The following GALNT10 variants were observed in gnomAD, a reference collection of about 807,000 sequenced individuals.
GALNT10 encodes the protein GalNAc transferase 10.
Under a neutral mutation model 75.0 loss-of-function variants are expected in GALNT10, and 41 were observed. That is an observed-to-expected ratio of 0.55 (90% CI 0.43 to 0.71). The LOEUF (loss-of-function observed/expected upper bound fraction) is 0.71. Ranked by LOEUF, GALNT10 falls within the 30% of genes least tolerant of loss-of-function variation. The probability of loss-of-function intolerance (pLI) is 0.00; values close to 1 mark genes in which losing one functional copy is unlikely to be tolerated. For synonymous variants in GALNT10, 302 were observed against 313.0 expected (o/e 0.96, Z 0.37); for missense variants, 727 against 818.5 (o/e 0.89, Z 1.36).
At chr5:154,415,402 G>A (rs7723850) in intron 10 of GALNT10, among the ~76,000 whole-genome samples, 129,993 of 151,936 alleles carry the variant, frequency 0.86, 55,726 homozygotes, top group East Asian at 1. Context: ...CAGTGGTGCA[G>A]TCTCGGCTCA....
chr5:154,193,500 A>G (rs1166834880), intron 1 of GALNT10, among the ~76,000 whole-genome samples: 1 of 152,230 alleles, frequency 6.6e-6, no homozygotes, highest in East Asian at 1.9e-4. Flanking sequence ...TATCTGGGAA[A>G]TCTGGCATCT....
intron 7 of GALNT10, among the ~76,000 whole-genome samples, chr5:154,390,910 G>A (rs949842430): frequency 2.6e-5 from 4 of 152,212 alleles, no homozygotes; most frequent in African/African-American, 4.8e-5. Context: ...TATCTCATCC[G>A]GGAGGGGGAA....
chr5:154,217,764 G>T (rs971619253), intron 1 of GALNT10, among the ~76,000 whole-genome samples: 1 of 152,238 alleles, frequency 6.6e-6, no homozygotes, highest in African/African-American at 2.4e-5. Context: ...TCTGTCATTT[G>T]TAACAGCCAT....
intron 4 of GALNT10, 100 bp downstream of exon 4, chr5:154,329,838 G>A: frequency 1.4e-6 from 1 of 736,222 alleles, no homozygotes; most frequent in East Asian, 2.6e-5. Context: ...TCAACATATA[G>A]GCCATCATTG....
chr5:154,311,368 T>G (rs544712569), intron 3 of GALNT10, among the ~76,000 whole-genome samples: 1 of 152,228 alleles, frequency 6.6e-6, no homozygotes, highest in Non-Finnish European at 1.5e-5. Flanking sequence ...GTTTACAAAC[T>G]GTTACAACTA....
At chr5:154,221,071 C>A (rs898257347) in intron 1 of GALNT10, among the ~76,000 whole-genome samples, 5 of 152,108 alleles carry the variant, frequency 3.3e-5, no homozygotes, top group African/African-American at 1.2e-4. Flanking sequence ...GCACTTTTGT[C>A]CTTCACAAGT....
At chr5:154,321,964 C>T (rs1159956970) in intron 3 of GALNT10, among the ~76,000 whole-genome samples, 1 of 152,198 alleles carries the variant, frequency 6.6e-6, no homozygotes, top group Non-Finnish European at 1.5e-5. Context: ...ATAATGTTTA[C>T]ACCCTGGGCA....
chr5:154,399,552 A>G (rs924457522), intron 7 of GALNT10, among the ~76,000 whole-genome samples: 1 of 152,184 alleles, frequency 6.6e-6, no homozygotes, highest in Non-Finnish European at 1.5e-5. Flanking sequence ...CTCCCTGCTC[A>G]TGGCTTATAT....
intron 4 of GALNT10, among the ~76,000 whole-genome samples, chr5:154,358,614 C>T (rs1291330740): frequency 1.3e-5 from 2 of 152,188 alleles, no homozygotes; most frequent in African/African-American, 2.4e-5. Context: ...ACACACTGTG[C>T]TACCTCCCAC....
At chr5:154,339,110 A>G (rs913650487) in intron 4 of GALNT10, among the ~76,000 whole-genome samples, 6 of 152,216 alleles carry the variant, frequency 3.9e-5, no homozygotes, top group African/African-American at 1.4e-4. Context: ...CCAGATGATG[A>G]AGCTGAGGCT....
At position 154,199,441 on chromosome 5, in the gene GALNT10, A is replaced by G. The variant is rs186842029; in HGVS notation, c.159+8416A>G. Among the ~76,000 whole-genome samples, 15 of 152,256 alleles carry G rather than the reference A, an allele frequency of 9.9e-5. No homozygotes were observed. In the East Asian group the frequency reaches 2.7e-3, roughly 27 times the overall value. ...TTATCTGCAGCTTCCCAAGTTGTCA[A>G]TCAGCACCCACAGGGGAGCTCTGTG... On this transcript the variant is annotated intron_variant, in intron 1 of 11. Coordinates refer to ENST00000297107, the MANE Select transcript of GALNT10 (RefSeq NM_198321.4).
At chr5:154,318,620 G>A (rs752838092) in intron 3 of GALNT10, among the ~76,000 whole-genome samples, 2 of 152,174 alleles carry the variant, frequency 1.3e-5, no homozygotes, top group Non-Finnish European at 2.9e-5. Context: ...TGCATATTAA[G>A]TGCCTACAGC....
intron 1 of GALNT10, among the ~76,000 whole-genome samples, chr5:154,245,528 G>A (rs1323637482): frequency 3.4e-5 from 4 of 119,178 alleles, no homozygotes; most frequent in South Asian, 5.9e-4. Flanking sequence ...CTGGGACTCC[G>A]AGCTCTGGCT....
chr5:154,320,745 GA>G (rs1754660727), intron 3 of GALNT10, among the ~76,000 whole-genome samples: 2 of 152,194 alleles, frequency 1.3e-5, no homozygotes, highest in Non-Finnish European at 2.9e-5. Context: ...GCTGTGTGGG[GA>G]CTGGATAAAA....
Position 154,380,590 on chromosome 5 carries a change from C to T in GALNT10, c.897C>T (p.Ile299=). 6.2e-7 allele frequency: 1 copy of T among 1,613,864 alleles called. No individual in the cohort carries two copies. The highest frequency in any genetic ancestry group is 8.5e-7 in the Non-Finnish European group (1 of 1,179,800). ...AGATGTACTACAAGCGGATCCCGAT[C>T]CCTCCAGAACTGCAGAAAGCTGACC... The part of the protein sequence containing the change: ...DWEMYYKRIP[I]PPELQKADPS... Residue 299 remains isoleucine (I), a synonymous_variant, in exon 6 of 12, where the codon ATC becomes ATT. Coordinates refer to ENST00000297107, the MANE Select transcript of GALNT10 (RefSeq NM_198321.4).
chr5:154,412,854 C>T lies in GALNT10; in HGVS notation c.1387-35C>T, dbSNP rs1244617146. On this transcript the variant is annotated intron_variant, in intron 9 of 11. Coordinates refer to ENST00000297107, the MANE Select transcript of GALNT10 (RefSeq NM_198321.4). This position sits in a 1 kb window ranked among gnomAD's most constrained non-coding sequence, Gnocchi z 4.2. ...GGACCCGGTGGGCACCTTAAGGCAC[C>T]TCAGTGGTCCACTTCTTCCCTCTTT... 1 of 1,469,550 alleles carries T rather than the reference C, an allele frequency of 6.8e-7. No homozygotes were observed. Among genetic ancestry groups the T allele is most frequent in the Admixed American group, 1.7e-5 (1 of 59,848 alleles). 91.0% of individuals were successfully genotyped at this position (1,469,550 alleles called of 1,614,324 possible). A position where few individuals can be genotyped will look rare whatever the true frequency, so the allele number is the denominator to read the frequency against.
At chr5:154,293,614 T>TATATATATATATATATA (rs60780135) in intron 1 of GALNT10, among the ~76,000 whole-genome samples, 1 of 106,400 alleles carries the variant, frequency 9.4e-6, no homozygotes, top group African/African-American at 4.2e-5. Flanking sequence ...TATATATATA[T>TATATATATATATATATA]TTTTTTTTTC....
At chr5:154,214,526 C>A (rs1355369987) in intron 1 of GALNT10, among the ~76,000 whole-genome samples, 1 of 68,940 alleles carries the variant, frequency 1.5e-5, no homozygotes, top group Non-Finnish European at 3.9e-5. Context: ...GACTAAAATG[C>A]TTCCTTTTTT....
At chr5:154,399,490 CCGAAAGAGA>C (rs1237714804) in intron 7 of GALNT10, among the ~76,000 whole-genome samples, 1 of 152,174 alleles carries the variant, frequency 6.6e-6, no homozygotes, top group Non-Finnish European at 1.5e-5. Context: ...AGGATCCAGC[CCGAAAGAGA>C]TGGCAATGGT....
Sources: allele counts gnomAD v4.1 joint callset (sites outside exome capture counted in the v4.1 genomes callset), GRCh38; gene constraint gnomAD v4.1.1; non-coding constraint Gnocchi (gnomAD v3.1); transcripts MANE v1.5; gene names NCBI Gene and HGNC (gene_info 2026-07-23, HGNC 2026-07-21).